The following TDRD1 variants were observed in gnomAD, a reference collection of about 807,000 sequenced individuals.
TDRD1 encodes tudor domain-containing protein 1.
In TDRD1, 37 loss-of-function variants were observed where a neutral mutation model predicts 140.6. The observed-to-expected ratio is 0.26, with a 90% CI of 0.20 to 0.35. TDRD1 has a LOEUF of 0.35. Ranked by LOEUF, TDRD1 falls within the 10% of genes least tolerant of loss-of-function variation. The pLI, the probability that TDRD1 is intolerant of heterozygous loss-of-function variation, is 1.00. For synonymous variants in TDRD1, 506 were observed against 475.7 expected (o/e 1.06, Z -0.83); for missense variants, 1,243 against 1,393.0 (o/e 0.89, Z 1.71).
At chr10:114,213,801 T>G (rs529139357) in intron 15 of TDRD1, among the ~76,000 whole-genome samples, 176 bp from the exon 16 acceptor site, 4 of 152,198 alleles carry the variant, frequency 2.6e-5, no homozygotes, top group Admixed American at 2.0e-4. Context: ...AAATGTAAAT[T>G]TGAAATTTAC....
intron 10 of TDRD1, 82 bp downstream of exon 10, chr10:114,204,975 T>C (rs2035007837): frequency 7.7e-7 from 1 of 1,299,254 alleles, no homozygotes; most frequent in Non-Finnish European, 1.0e-6. Context: ...AAACATCAAG[T>C]GAGGCCAGGT....
intron 3 of TDRD1, among the ~76,000 whole-genome samples, chr10:114,196,873 T>C (rs2034399589): frequency 8.9e-6 from 1 of 112,460 alleles, no homozygotes; most frequent in Non-Finnish European, 1.7e-5. Context: ...TGAGACAGAA[T>C]TTGGCTCTTG....
At chr10:114,203,257 G>T in intron 7 of TDRD1, 81 bp downstream of exon 7, 2 of 1,475,518 alleles carry the variant, frequency 1.4e-6, no homozygotes, top group East Asian at 2.3e-5. Context: ...GAGTTCATGC[G>T]GTAGCTACAA....
intron 14 of TDRD1, among the ~76,000 whole-genome samples, chr10:114,212,686 G>C (rs149517239): frequency 2.2e-4 from 34 of 152,180 alleles, no homozygotes; most frequent in African/African-American, 8.2e-4. Flanking sequence ...GTGTTGAGTT[G>C]TAAGTGCCAC....
At chr10:114,212,457 G>A (rs945977043) in intron 14 of TDRD1, among the ~76,000 whole-genome samples, 2 of 152,050 alleles carry the variant, frequency 1.3e-5, no homozygotes, top group Non-Finnish European at 2.9e-5. Flanking sequence ...CATGCCCAAC[G>A]AAAAAGTATG....
At chr10:114,202,858 A>G (rs2034851812) in intron 6 of TDRD1, among the ~76,000 whole-genome samples, 1 of 152,178 alleles carries the variant, frequency 6.6e-6, no homozygotes, top group Non-Finnish European at 1.5e-5. Context: ...CTCTTCACCC[A>G]CGTGGCCTTA....
At chr10:114,179,789 T>C (rs545856224) in intron 1 of TDRD1, 1 of 152,256 alleles carries the variant, frequency 6.6e-6, no homozygotes, top group African/African-American at 2.4e-5. Context: ...GAAGATGTGC[T>C]AGGGCATTTA....
upstream of TDRD1, among the ~76,000 whole-genome samples, chr10:114,176,117 C>T (rs538251021): frequency 6.6e-6 from 1 of 152,072 alleles, no homozygotes; most frequent in Non-Finnish European, 1.5e-5. The surrounding 1 kb of genome is among the most constrained non-coding windows in gnomAD (Gnocchi z 4.2). Context: ...TAGGAAGCTT[C>T]GTATTGTAAT....
intron 3 of TDRD1, among the ~76,000 whole-genome samples, chr10:114,196,415 T>C (rs1224590726): frequency 6.6e-6 from 1 of 152,246 alleles, no homozygotes; most frequent in Non-Finnish European, 1.5e-5. Context: ...GATATTTTCC[T>C]TGGATAAGTT....
At chr10:114,221,904 T>G (rs940155661) in intron 20 of TDRD1, among the ~76,000 whole-genome samples, 2 of 152,240 alleles carry the variant, frequency 1.3e-5, no homozygotes, top group African/African-American at 4.8e-5. Context: ...TATAAAAATT[T>G]ATTTTTAATT....
exon 26 of TDRD1, chr10:114,232,097 A>C (rs878917776): frequency 1.3e-5 from 2 of 152,174 alleles, no homozygotes; most frequent in Middle Eastern, 6.8e-3. Context: ...AGAGGTCATC[A>C]ATTTCTTTCT....
rs1235899766 is a variant in TDRD1 at position 114,213,969 on chromosome 10, T to G, written c.2075-8T>G. On this transcript the variant is annotated splice_region_variant and splice_polypyrimidine_tract_variant and intron_variant, in intron 15 of 25. Transcript: ENST00000251864. ...CTATGTCCATTTAATGTTTAATTAT[T>G]TTCACAGTTCCCTTGGGTGTGGAAG... The G allele has an allele frequency of 6.2e-7, 1 of 1,613,868 alleles. No homozygotes were observed. Among genetic ancestry groups the G allele is most frequent in the East Asian group, 2.2e-5 (1 of 44,862 alleles).
rs2036590911 is a variant in TDRD1 at position 114,228,870 on chromosome 10, G to A, written c.3538+745G>A. On this transcript the variant is annotated intron_variant, in intron 25 of 25. Coordinates refer to ENST00000251864, the Ensembl canonical transcript of TDRD1. ...AGGCTGAGGCGGGCAGATCACCTGA[G>A]CCCAGGCGTTCGAAGTCAGCCTGGC... The A allele has an allele frequency of 6.5e-6, 5 of 767,442 alleles. No homozygotes were observed. In the South Asian group the frequency reaches 2.4e-4, roughly 37 times the overall value. 47.5% of individuals were successfully genotyped at this position (767,442 alleles called of 1,614,324 possible). A position where few individuals can be genotyped will look rare whatever the true frequency, so the allele number is the denominator to read the frequency against.
At chr10:114,204,579 A>C in intron 9 of TDRD1, 143 bp from the exon 10 acceptor site, 1 of 832,338 alleles carries the variant, frequency 1.2e-6, no homozygotes, top group Non-Finnish European at 1.8e-6. Context: ...AATAATAATT[A>C]TACAGAAAAT....
At chr10:114,196,511 T>C (rs183891365) in intron 3 of TDRD1, among the ~76,000 whole-genome samples, 2 of 152,334 alleles carry the variant, frequency 1.3e-5, no homozygotes, top group Non-Finnish European at 2.9e-5. Flanking sequence ...AATCTGTCTT[T>C]TTAAAGATAC....
chr10:114,181,928 A>G (rs1317060257), intron 1 of TDRD1, among the ~76,000 whole-genome samples: 1 of 152,088 alleles, frequency 6.6e-6, no homozygotes, highest in Non-Finnish European at 1.5e-5. Flanking sequence ...CCTGCGTTAC[A>G]TTCATAGAAC....
At chr10:114,227,948 C>A (rs1589720925) in exon 24 of TDRD1, 6 of 1,613,752 alleles carry the variant, frequency 3.7e-6, no homozygotes, top group Non-Finnish European at 5.1e-6. Context: ...CACAGAGTTA[C>A]AGAAACAAGT....
chr10:114,229,917 G>A (rs1357766751), intron 25 of TDRD1, among the ~76,000 whole-genome samples: 3 of 150,768 alleles, frequency 2.0e-5, no homozygotes, highest in African/African-American at 7.3e-5. Flanking sequence ...TACAACCTCC[G>A]CCTCCCGGGT....
chr10:114,198,979 G>C (rs556841169), intron 3 of TDRD1, among the ~76,000 whole-genome samples, 194 bp from the exon 4 acceptor site: 4 of 152,282 alleles, frequency 2.6e-5, no homozygotes, highest in Admixed American at 2.6e-4. Flanking sequence ...TTCCCAGTCA[G>C]CCCACCTCCT....
Sources: allele counts gnomAD v4.1 joint callset (sites outside exome capture counted in the v4.1 genomes callset), GRCh38; gene constraint gnomAD v4.1.1; non-coding constraint Gnocchi (gnomAD v3.1); transcripts MANE v1.5; gene names NCBI Gene and HGNC (gene_info 2026-07-23, HGNC 2026-07-21).